PIWIL2: variants seen among roughly 807,000 people sequenced by gnomAD.
PIWIL2 encodes piwi-like protein 2.
In PIWIL2, 81 loss-of-function variants were observed where a neutral mutation model predicts 116.5. The ratio of observed to expected loss-of-function variants is 0.70; its 90% CI spans 0.58 to 0.84. The LOEUF is 0.84. Ranked by LOEUF, PIWIL2 falls within the 40% of genes least tolerant of loss-of-function variation. The pLI, the probability that PIWIL2 is intolerant of heterozygous loss-of-function variation, is 0.00. For missense variants in PIWIL2, 1,272 were observed against 1,212.3 expected, an observed-to-expected ratio of 1.05 and a Z score of -0.73; for synonymous variants, 489 against 429.5, an observed-to-expected ratio of 1.14 and a Z score of -1.71.
chr8:22,290,673 G>A (rs1457457879), intron 10 of PIWIL2, among the ~76,000 whole-genome samples: 1 of 115,702 alleles, frequency 8.6e-6, no homozygotes, highest in Non-Finnish European at 1.7e-5. Context: ...AGCCTGCTAT[G>A]TTTCCTGGCT....
intron 20 of PIWIL2, among the ~76,000 whole-genome samples, chr8:22,322,772 C>T (rs958469067): frequency 4.0e-5 from 6 of 151,670 alleles, no homozygotes; most frequent in African/African-American, 1.2e-4. Context: ...AACTCCTGAC[C>T]TTAAGTGATC....
chr8:22,332,357 G>A (rs754574509), intron 20 of PIWIL2, among the ~76,000 whole-genome samples: 2 of 152,058 alleles, frequency 1.3e-5, no homozygotes, highest in East Asian at 1.9e-4. Context: ...CCAATAGATA[G>A]GAGGTTAAAA....
At chr8:22,330,697 AAAAT>A (rs3992768) in intron 20 of PIWIL2, among the ~76,000 whole-genome samples, 33,827 of 136,916 alleles carry the variant, frequency 0.25, 4,641 homozygotes, top group Non-Finnish European at 0.32. Flanking sequence ...ACTCTGTCTC[AAAAT>A]AAATAAATAA....
intron 19 of PIWIL2, 48 bp from the exon 20 acceptor site, chr8:22,318,122 C>T (rs566582244): frequency 1.7e-6 from 2 of 1,188,534 alleles, no homozygotes; most frequent in East Asian, 4.7e-5. Flanking sequence ...CCCCTTCGAG[C>T]ATTTGTTCAT....
chr8:22,323,946 C>G (rs1424925936), intron 20 of PIWIL2, among the ~76,000 whole-genome samples: 1 of 152,162 alleles, frequency 6.6e-6, no homozygotes, highest in African/African-American at 2.4e-5. Flanking sequence ...TGCTCTAAGC[C>G]TCTCCCAAGG....
Position 22,314,365 on chromosome 8 carries a change from C to T in PIWIL2, c.2027C>T (p.Pro676Leu). 2 of 1,581,926 alleles carry T rather than the reference C, an allele frequency of 1.3e-6. No individual in the cohort carries two copies. The highest frequency in any genetic ancestry group is 2.3e-5 in the South Asian group (2 of 86,004). ...IQMVVCIIMGPRDDLYGAIKK... is the reference protein window; with the variant it reads ...IQMVVCIIMGLRDDLYGAIKK... ...ATGGTTGTTTGCATCATCATGGGCCCACGTGATGATCTCTATGGGGCCATC... is the reference window on the plus strand; with the variant it reads ...ATGGTTGTTTGCATCATCATGGGCCTACGTGATGATCTCTATGGGGCCATC... The change falls in exon 17 of 23, where the codon CCA becomes CTA. Residue 676 changes from proline (P) to leucine (L), a missense_variant. By Grantham distance (98) the Pro-to-Leu change is moderately conservative. Transcript: ENST00000356766.
At chr8:22,345,735 C>T (rs1375693856) in intron 20 of PIWIL2, among the ~76,000 whole-genome samples, 1 of 152,140 alleles carries the variant, frequency 6.6e-6, no homozygotes, top group Non-Finnish European at 1.5e-5. Context: ...CAAAATGTGA[C>T]ATATGCATAT....
At chr8:22,303,072 A>G (rs1831089167) in intron 10 of PIWIL2, among the ~76,000 whole-genome samples, 1 of 152,226 alleles carries the variant, frequency 6.6e-6, no homozygotes, top group African/African-American at 2.4e-5. Context: ...GAGTCTCAAA[A>G]TGACAAAGCT....
intron 20 of PIWIL2, among the ~76,000 whole-genome samples, chr8:22,328,063 T>C (rs926348774): frequency 6.6e-6 from 1 of 152,198 alleles, no homozygotes; most frequent in Non-Finnish European, 1.5e-5. Flanking sequence ...GTTTTTTTTT[T>C]CTAACAATGT....
intron 20 of PIWIL2, among the ~76,000 whole-genome samples, chr8:22,326,211 T>TA (rs879742594): frequency 8.8e-4 from 127 of 145,140 alleles, no homozygotes; most frequent in Middle Eastern, 7.0e-3. Context: ...TTGCTTGCTT[T>TA]AAAAAAAAAA....
intron 4 of PIWIL2, among the ~76,000 whole-genome samples, chr8:22,282,557 T>C (rs1405233123): frequency 6.6e-6 from 1 of 151,944 alleles, no homozygotes; most frequent in Non-Finnish European, 1.5e-5. Context: ...GCTCTGACAG[T>C]CAATAGCAGT....
At chr8:22,347,633 TCTC>T (rs933510035) in intron 20 of PIWIL2, among the ~76,000 whole-genome samples, 11 of 151,398 alleles carry the variant, frequency 7.3e-5, no homozygotes, top group Admixed American at 2.6e-4. Flanking sequence ...TTCAAGCTGT[TCTC>T]CTACCTCAGC....
intron 20 of PIWIL2, among the ~76,000 whole-genome samples, chr8:22,335,705 A>G (rs1286900538): frequency 6.6e-6 from 1 of 151,916 alleles, no homozygotes; most frequent in African/African-American, 2.4e-5. Flanking sequence ...ACACTACCAC[A>G]CCCAGCTAAA....
At chr8:22,336,703 C>G (rs1259132393) in intron 20 of PIWIL2, among the ~76,000 whole-genome samples, 1 of 151,958 alleles carries the variant, frequency 6.6e-6, no homozygotes, top group Non-Finnish European at 1.5e-5. Flanking sequence ...CCCAGGAGTT[C>G]AAGACCTGCT....
intron 19 of PIWIL2, 105 bp downstream of exon 19, chr8:22,316,438 G>A: frequency 2.7e-6 from 2 of 734,858 alleles, no homozygotes; most frequent in South Asian, 1.7e-5. Flanking sequence ...ACAATATAAA[G>A]ATTTCTAAAC....
At chr8:22,284,067 C>A in intron 5 of PIWIL2, 95 bp from the exon 6 acceptor site, 1 of 611,686 alleles carries the variant, frequency 1.6e-6, no homozygotes, top group Non-Finnish European at 2.8e-6. Context: ...AATGTTACTT[C>A]CCCCAATCTT....
intron 7 of PIWIL2, 42 bp from the exon 8 acceptor site, chr8:22,288,500 A>G: frequency 6.4e-7 from 1 of 1,561,558 alleles, no homozygotes; most frequent in Non-Finnish European, 8.8e-7. Context: ...ATTAGTTCTT[A>G]GTTTTGTCAT....
chr8:22,289,607 T>C (rs1830711476), intron 8 of PIWIL2, among the ~76,000 whole-genome samples: 1 of 152,206 alleles, frequency 6.6e-6, no homozygotes, highest in South Asian at 2.1e-4. Flanking sequence ...ACCAACTCAG[T>C]GTTTGGTCAG....
chr8:22,279,722 G>A, intron 2 of PIWIL2, 138 bp downstream of exon 2: 1 of 731,208 alleles, frequency 1.4e-6, no homozygotes, highest in Non-Finnish European at 2.3e-6. Flanking sequence ...GGAGGCCGAG[G>A]CAGGTGGATC....
Sources: gnomAD v4.1 joint callset for allele counts (sites outside exome capture counted in the v4.1 genomes callset) on GRCh38, gnomAD v4.1.1 for gene constraint, MANE v1.5 for transcripts, NCBI Gene and HGNC (gene_info 2026-07-23, HGNC 2026-07-21) for gene names.